Variants in ARID5B observed in about 807,000 individuals in gnomAD.
ARID5B encodes the protein AT-rich interactive domain-containing protein 5B.
A neutral mutation model predicts 97.2 loss-of-function variants in ARID5B; 13 were observed. The observed-to-expected ratio is 0.13, with a 90% confidence interval of 0.09 to 0.21. The LOEUF (loss-of-function observed/expected upper bound fraction) is 0.21, where lower values mean the gene tolerates loss of function less well. Among genes scored for constraint, ARID5B ranks in the 10% least tolerant of loss-of-function variants. The pLI is 1.00. For synonymous variants in ARID5B, 556 were observed against 570.3 expected (o/e 0.97, Z 0.36); for missense variants, 1,210 against 1,465.3 (o/e 0.83, Z 2.84).
chr10:61,986,704 G>A (rs139346961), intron 3 of ARID5B, among the ~76,000 whole-genome samples: 1 of 152,132 alleles, frequency 6.6e-6, no homozygotes, highest in Non-Finnish European at 1.5e-5. Context: ...CCGTGCTGTG[G>A]TGCCCCTTTT....
intron 2 of ARID5B, 146 bp from the exon 3 acceptor site, chr10:61,940,037 G>T: frequency 1.5e-6 from 1 of 654,956 alleles, no homozygotes; most frequent in Non-Finnish European, 2.7e-6. Flanking sequence ...AGTTACTAAA[G>T]ATTCTGTGTC....
At chr10:62,008,180 C>A (rs139823728) in intron 4 of ARID5B, among the ~76,000 whole-genome samples, 1 of 151,718 alleles carries the variant, frequency 6.6e-6, no homozygotes, top group Non-Finnish European at 1.5e-5. Flanking sequence ...AGAGCAGTAC[C>A]CAGCACATAG....
intron 2 of ARID5B, among the ~76,000 whole-genome samples, chr10:61,939,469 A>G (rs770906372): frequency 1.3e-5 from 2 of 152,172 alleles, no homozygotes; most frequent in African/African-American, 2.4e-5. Context: ...CATTTCAACT[A>G]CTTTTCTTAA....
intron 4 of ARID5B, among the ~76,000 whole-genome samples, chr10:62,004,475 C>A (rs952635720): frequency 6.6e-6 from 1 of 152,120 alleles, no homozygotes; most frequent in East Asian, 1.9e-4. Context: ...GCTTGTAAGA[C>A]CAATGTGGGG....
chr10:61,963,823 T>C (rs1838507343), intron 3 of ARID5B, among the ~76,000 whole-genome samples: 1 of 151,922 alleles, frequency 6.6e-6, no homozygotes, highest in East Asian at 1.9e-4. Context: ...TTGTACCTAG[T>C]GTGTTCAAGG....
chr10:61,919,201 C>T (rs1405505671), intron 2 of ARID5B, among the ~76,000 whole-genome samples: 3 of 152,160 alleles, frequency 2.0e-5, no homozygotes, highest in Non-Finnish European at 4.4e-5. Context: ...TTTCATGATG[C>T]AACCATCAGG....
Position 62,090,986 on chromosome 10 carries a change from T to C in ARID5B, c.1523T>C (p.Leu508Pro). Reference protein sequence around the residue: ...EGYQEFSAKPLASRVDPEKDN... With the variant: ...EGYQEFSAKPPASRVDPEKDN... ...TATCAGGAATTTTCAGCGAAGCCCC[T>C]GGCATCCAGAGTAGACCCAGAGAAG... Residue 508 changes from leucine (L) to proline (P), a missense_variant, in exon 10 of 10, where the codon CTG (leucine) becomes CCG (proline). By Grantham distance (98) the Leu-to-Pro change is moderately conservative. This residue lies in a region of ARID5B where 800 missense variants were observed against 839.1 expected (regional missense o/e 0.95). Transcript: ENST00000279873. The C allele has an allele frequency of 6.2e-7, 1 of 1,614,162 alleles. No individual in the cohort carries two copies. Among genetic ancestry groups the C allele is most frequent in the South Asian group, 1.1e-5 (1 of 91,076 alleles).
intron 8 of ARID5B, among the ~76,000 whole-genome samples, chr10:62,082,507 C>T (rs1255982485): frequency 6.6e-6 from 1 of 152,170 alleles, no homozygotes. Flanking sequence ...TTGCTTTTAT[C>T]TGTACAGTTT....
chr10:61,925,879 A>G (rs2393784), intron 2 of ARID5B, among the ~76,000 whole-genome samples: 128,188 of 152,190 alleles, frequency 0.84, 54,147 homozygotes, highest in African/African-American at 0.88. Flanking sequence ...CGTTACATTT[A>G]ACAAAGCGTG....
chr10:62,012,583 A>G (rs1839232221), intron 4 of ARID5B, among the ~76,000 whole-genome samples: 1 of 152,176 alleles, frequency 6.6e-6, no homozygotes, highest in Non-Finnish European at 1.5e-5. Flanking sequence ...CAAAACTAGT[A>G]AGTGGTCAAG....
Position 62,093,132 on chromosome 10 carries a change from T to C in ARID5B, c.*102T>C. 9.5e-6 allele frequency: 14 copies of C among 1,474,484 alleles called. No individual in the cohort carries two copies. Among genetic ancestry groups the C allele is most frequent in the Non-Finnish European group, 1.2e-5 (13 of 1,110,400 alleles). The allele number at this position is 1,474,484 out of a possible 1,614,324, so 91.3% of individuals were successfully genotyped here. On this transcript the variant is annotated 3_prime_UTR_variant, in exon 10 of 10. Transcript: ENST00000279873. Reference sequence around the variant, plus strand: ...AGTTAGAAGTCAGTATTTCTTCTAATCTGAGGCTATGATCAGTCCCAGCTG... The same window carrying C: ...AGTTAGAAGTCAGTATTTCTTCTAACCTGAGGCTATGATCAGTCCCAGCTG...
intron 7 of ARID5B, among the ~76,000 whole-genome samples, chr10:62,060,710 G>C (rs1385087199): frequency 6.6e-6 from 1 of 152,140 alleles, no homozygotes; most frequent in Admixed American, 6.5e-5. Flanking sequence ...CAATAGGCTA[G>C]ACTTTCAAGT....
chr10:61,925,285 G>A lies in ARID5B; in HGVS notation c.277-14898G>A, dbSNP rs969314710. ...TCCGGATTGGGTGGTGGTTGGGTTT[G>A]GGCTTTATTGTTACGGTTTTTGCTT... is the stretch of plus-strand genomic sequence containing the variant. On this transcript the variant is annotated intron_variant, in intron 2 of 9. Transcript: ENST00000279873. Among the ~76,000 whole-genome samples the A allele has an allele frequency of 6.6e-5, 10 of 152,268 alleles. No homozygotes were observed. In the East Asian group the frequency reaches 1.9e-3, roughly 29 times the overall value.
intron 3 of ARID5B, among the ~76,000 whole-genome samples, chr10:61,955,114 T>C (rs975743102): frequency 3.3e-5 from 5 of 152,152 alleles, no homozygotes; most frequent in Admixed American, 6.5e-5. Context: ...AAGGATGCTG[T>C]AGTAGCAACA....
chr10:62,081,589 T>C (rs1030386692), intron 8 of ARID5B, among the ~76,000 whole-genome samples: 2 of 152,238 alleles, frequency 1.3e-5, no homozygotes, highest in Non-Finnish European at 2.9e-5. Context: ...AGGACATGTG[T>C]GATACACACT....
chr10:62,069,890 CT>C (rs1208697583), intron 8 of ARID5B, 93 bp downstream of exon 8: 4 of 1,291,736 alleles, frequency 3.1e-6, no homozygotes, highest in Non-Finnish European at 4.3e-6. Flanking sequence ...TCTAAATGAC[CT>C]TTTGGGAAAC....
intron 4 of ARID5B, among the ~76,000 whole-genome samples, chr10:62,015,915 A>C (rs972052812): frequency 6.6e-6 from 1 of 152,156 alleles, no homozygotes; most frequent in Non-Finnish European, 1.5e-5. Flanking sequence ...GAGCCACCGT[A>C]CCTGGCCTAA....
At chr10:62,021,040 A>ATG (rs1267371959) in intron 4 of ARID5B, among the ~76,000 whole-genome samples, 9 of 53,772 alleles carry the variant, frequency 1.7e-4, no homozygotes, top group African/African-American at 4.8e-4. Context: ...ATATATATAT[A>ATG]TATATATATA....
Position 61,991,631 on chromosome 10 carries a change from C to T in ARID5B, c.503-8460C>T, listed in dbSNP as rs372166624. Among the ~76,000 whole-genome samples the T allele has an allele frequency of 6.6e-5, 10 of 152,282 alleles. No homozygotes were observed. The East Asian group carries it at 1.7e-3, about 26-fold the overall frequency. On this transcript the variant is annotated intron_variant, in intron 3 of 9. Coordinates refer to ENST00000279873, the MANE Select transcript of ARID5B (RefSeq NM_032199.3). ...CCCCCTCTCCAAGACTGTCTTTTCA[C>T]TTTATTGATAGTGTCCATTGATGCA...
Sources: gnomAD v4.1 joint callset for allele counts (sites outside exome capture counted in the v4.1 genomes callset) on GRCh38, gnomAD v4.1.1 for gene constraint, gnomAD v4.1.1 regional missense constraint, MANE v1.5 for transcripts, NCBI Gene and HGNC (gene_info 2026-07-23, HGNC 2026-07-21) for gene names.